The following ERP44 variants were observed in gnomAD, a reference collection of about 807,000 sequenced individuals.
The protein encoded by ERP44 is endoplasmic reticulum protein 44.
In ERP44, 25 loss-of-function variants were observed where a neutral mutation model predicts 53.4. The ratio of observed to expected loss-of-function variants is 0.47; its 90% CI spans 0.34 to 0.65. The LOEUF is 0.65. ERP44 is among the 30% of genes least tolerant of loss of function. The pLI is 0.01. For missense variants in ERP44, 338 were observed against 493.2 expected, an observed-to-expected ratio of 0.69 and a Z score of 2.98; for synonymous variants, 145 against 161.2, an observed-to-expected ratio of 0.90 and a Z score of 0.76.
intron 4 of ERP44, among the ~76,000 whole-genome samples, chr9:100,032,254 C>G (rs1485623042): frequency 4.6e-5 from 7 of 152,146 alleles, no homozygotes; most frequent in Non-Finnish European, 1.0e-4. Context: ...GGGCTCCACC[C>G]TGAAGCCAGT....
chr9:100,063,006 C>T (rs956968277), intron 1 of ERP44, among the ~76,000 whole-genome samples: 1 of 139,986 alleles, frequency 7.1e-6, no homozygotes, highest in Admixed American at 7.8e-5. Context: ...CCCAGAAGTT[C>T]GAGTTTGCAG....
chr9:100,029,728 C>T (rs1216957458), intron 4 of ERP44, among the ~76,000 whole-genome samples: 2 of 152,212 alleles, frequency 1.3e-5, no homozygotes, highest in African/African-American at 4.8e-5. Context: ...ACCGTGTTTA[C>T]TGCAGCACTA....
At chr9:100,034,111 G>A (rs1825825650) in intron 4 of ERP44, among the ~76,000 whole-genome samples, 1 of 152,144 alleles carries the variant, frequency 6.6e-6, no homozygotes, top group South Asian at 2.1e-4. Context: ...ATTCTCAGGA[G>A]GTTAGGCATT....
chr9:100,077,965 A>C (rs1312167502), intron 1 of ERP44, among the ~76,000 whole-genome samples: 1 of 152,120 alleles, frequency 6.6e-6, no homozygotes, highest in Non-Finnish European at 1.5e-5. Flanking sequence ...GAAAAAAAAC[A>C]CAACCACCAG....
At chr9:99,985,512 T>C (rs899814090) in intron 10 of ERP44, among the ~76,000 whole-genome samples, 1 of 152,226 alleles carries the variant, frequency 6.6e-6, no homozygotes, top group African/African-American at 2.4e-5. Flanking sequence ...AAAGCACTAC[T>C]GCGAACCTAT....
chr9:100,058,187 CA>C (rs772629030), intron 2 of ERP44, among the ~76,000 whole-genome samples: 2 of 152,066 alleles, frequency 1.3e-5, no homozygotes, highest in Non-Finnish European at 2.9e-5. Flanking sequence ...GTGATCCTCC[CA>C]CTTCACCCTC....
chr9:99,982,750 T>C (rs752602705), intron 11 of ERP44, 37 bp from the exon 12 acceptor site: 4 of 1,255,588 alleles, frequency 3.2e-6, no homozygotes, highest in African/African-American at 3.0e-5. Flanking sequence ...TATACCAATA[T>C]AGTTTATGGT....
chr9:100,029,148 A>C (rs1825745065), intron 4 of ERP44, among the ~76,000 whole-genome samples: 1 of 152,210 alleles, frequency 6.6e-6, no homozygotes, highest in African/African-American at 2.4e-5. Flanking sequence ...TACTGCTTTA[A>C]ATGCACAGGC....
chr9:100,029,654 A>C (rs1241814417), intron 4 of ERP44, among the ~76,000 whole-genome samples: 2 of 152,252 alleles, frequency 1.3e-5, no homozygotes, highest in African/African-American at 4.8e-5. Context: ...ATGATCTAGC[A>C]ATTCCATTAC....
intron 1 of ERP44, among the ~76,000 whole-genome samples, chr9:100,074,429 G>A (rs1191207528): frequency 6.6e-6 from 1 of 152,186 alleles, no homozygotes; most frequent in Non-Finnish European, 1.5e-5. Flanking sequence ...AAATTGATAG[G>A]AAGCCTACTG....
chr9:100,092,713 A>C (rs1056319244), intron 1 of ERP44, among the ~76,000 whole-genome samples: 2 of 152,248 alleles, frequency 1.3e-5, no homozygotes, highest in Non-Finnish European at 2.9e-5. Flanking sequence ...CCCATAATAC[A>C]AACATGCACA....
At position 100,079,413 on chromosome 9, in the gene ERP44, T is replaced by TACACACACACAC. The variant is rs58110423; in HGVS notation, c.58-19253_58-19242dup. Among the ~76,000 whole-genome samples the TACACACACACAC allele has an allele frequency of 3.7e-4, 51 of 137,358 alleles. 1 individual carries two copies. Among genetic ancestry groups the TACACACACACAC allele is most frequent in the African/African-American group, 1.1e-3 (40 of 37,438 alleles). 90.1% of individuals were successfully genotyped at this position (137,358 alleles called of 152,430 possible). A position where few individuals can be genotyped will look rare whatever the true frequency, so the allele number is the denominator to read the frequency against. ...TAATGCTCCTTAATAAACTCCCCTT[T>TACACACACACAC]ACACACACACACACACACACACACA... On this transcript the variant is annotated intron_variant, in intron 1 of 11. Coordinates refer to ENST00000262455, the MANE Select transcript of ERP44 (RefSeq NM_015051.3).
chr9:100,012,375 T>C (rs1830484199), intron 8 of ERP44, among the ~76,000 whole-genome samples: 1 of 152,160 alleles, frequency 6.6e-6, no homozygotes, highest in Non-Finnish European at 1.5e-5. Context: ...TTTTAGAACC[T>C]TGATTTGAGA....
chr9:100,044,124 C>A (rs898924797), intron 4 of ERP44, among the ~76,000 whole-genome samples: 3 of 152,122 alleles, frequency 2.0e-5, no homozygotes, highest in African/African-American at 7.2e-5. Flanking sequence ...TGGGTATAAA[C>A]TATGGCAGTA....
At chr9:100,002,884 T>A (rs1266294257) in intron 10 of ERP44, among the ~76,000 whole-genome samples, 1 of 152,184 alleles carries the variant, frequency 6.6e-6, no homozygotes, top group Non-Finnish European at 1.5e-5. Context: ...GCTTTTTTTA[T>A]TTTAAATAAG....
At chr9:100,023,485 G>A (rs541503890) in intron 4 of ERP44, among the ~76,000 whole-genome samples, 17 of 148,378 alleles carry the variant, frequency 1.1e-4, no homozygotes, top group Admixed American at 4.1e-4. Flanking sequence ...CTGGAGTACA[G>A]TGGCACGATC....
chr9:100,048,023 A>ACAC (rs77398825), intron 4 of ERP44, among the ~76,000 whole-genome samples: 102,700 of 151,680 alleles, frequency 0.68, 35,985 homozygotes, highest in East Asian at 0.91. Context: ...ATGCAAACCA[A>ACAC]CACAATGAGA....
chr9:99,993,731 A>C (rs929600589), intron 10 of ERP44, among the ~76,000 whole-genome samples: 15 of 152,180 alleles, frequency 9.9e-5, no homozygotes, highest in South Asian at 4.1e-4. Flanking sequence ...AGGCAACCTT[A>C]AGAATGGGAG....
chr9:100,062,980 C>T (rs1487520407), intron 1 of ERP44, among the ~76,000 whole-genome samples: 1 of 148,638 alleles, frequency 6.7e-6, no homozygotes, highest in East Asian at 2.0e-4. Context: ...AGGCTGAGGC[C>T]ACTGGATCAC....
Sources: allele counts gnomAD v4.1 joint callset (sites outside exome capture counted in the v4.1 genomes callset), GRCh38; gene constraint gnomAD v4.1.1; transcripts MANE v1.5; gene names NCBI Gene and HGNC (gene_info 2026-07-23, HGNC 2026-07-21).